The following ENOX1 variants were observed in gnomAD, a reference collection of about 807,000 sequenced individuals.
ENOX1 encodes ecto-NOX disulfide-thiol exchanger 1.
A neutral mutation model predicts 82.5 loss-of-function variants in ENOX1; 42 were observed. The observed-to-expected ratio is 0.51, with a 90% CI of 0.40 to 0.66. The LOEUF is 0.66. Among genes scored for constraint, ENOX1 ranks in the 30% least tolerant of loss-of-function variants. The pLI is 0.00. For missense variants in ENOX1, 608 were observed against 811.6 expected, an observed-to-expected ratio of 0.75 and a Z score of 3.05; for synonymous variants, 271 against 282.2, an observed-to-expected ratio of 0.96 and a Z score of 0.40.
chr13:43,691,085 T>C (rs1034880881), intron 1 of ENOX1, among the ~76,000 whole-genome samples: 40 of 152,206 alleles, frequency 2.6e-4, no homozygotes, highest in African/African-American at 9.4e-4. Flanking sequence ...ATCTCTGCCA[T>C]TCTTCTAAAG....
chr13:43,313,162 G>A (rs910461423), intron 11 of ENOX1, among the ~76,000 whole-genome samples: 1 of 151,960 alleles, frequency 6.6e-6, no homozygotes, highest in African/African-American at 2.4e-5. Context: ...TACGATCTTG[G>A]GTAAATAACA....
chr13:43,467,376 A>G (rs1404250327), intron 3 of ENOX1, among the ~76,000 whole-genome samples: 1 of 152,220 alleles, frequency 6.6e-6, no homozygotes, highest in Non-Finnish European at 1.5e-5. Context: ...GACAGTTAAA[A>G]TAGTAACCCA....
At chr13:43,478,674 T>C (rs1418768000) in intron 3 of ENOX1, among the ~76,000 whole-genome samples, 2 of 152,192 alleles carry the variant, frequency 1.3e-5, no homozygotes, top group Non-Finnish European at 2.9e-5. Flanking sequence ...CCAGTTCTCA[T>C]TTTCAACACT....
At chr13:43,372,108 T>C (rs1178043577) in intron 5 of ENOX1, among the ~76,000 whole-genome samples, 2 of 152,184 alleles carry the variant, frequency 1.3e-5, no homozygotes, top group South Asian at 2.1e-4. Flanking sequence ...GACAAAGTAG[T>C]ATTTGGTTGT....
intron 2 of ENOX1, among the ~76,000 whole-genome samples, chr13:43,524,136 C>A (rs1279850467): frequency 6.6e-6 from 1 of 152,156 alleles, no homozygotes; most frequent in Non-Finnish European, 1.5e-5. Flanking sequence ...CTTCAGACCC[C>A]TTTAGTCCAT....
chr13:43,236,881 T>A, intron 14 of ENOX1, 143 bp from the exon 15 acceptor site: 1 of 446,590 alleles, frequency 2.2e-6, no homozygotes, highest in Non-Finnish European at 3.8e-6. Flanking sequence ...ATACAATTGA[T>A]CTATTTGCCC....
intron 1 of ENOX1, among the ~76,000 whole-genome samples, chr13:43,768,456 CA>C (rs1191996808): frequency 1.3e-5 from 2 of 151,992 alleles, no homozygotes; most frequent in Non-Finnish European, 2.9e-5. Flanking sequence ...CACAACAAAA[CA>C]AAACAAATTT....
chr13:43,712,983 C>T lies in ENOX1; in HGVS notation c.-284-45439G>A, dbSNP rs1225145864. ...GAGTGGTGAGAGAGGGCATCCCTGT[C>T]TTGTGCCAGTTTTCAAAGGGAATGC... is the stretch of plus-strand genomic sequence containing the variant. On this transcript the variant is annotated intron_variant, in intron 1 of 16. Coordinates refer to ENST00000690772, the MANE Select transcript of ENOX1 (RefSeq NM_001347969.2). 5.3e-5 allele frequency among the ~76,000 whole-genome samples: 8 copies of T among 152,212 alleles called. No homozygotes were observed. In the South Asian group the frequency reaches 1.7e-3, roughly 32 times the overall value.
chr13:43,574,371 G>A (rs1211365968), intron 2 of ENOX1, among the ~76,000 whole-genome samples: 1 of 152,070 alleles, frequency 6.6e-6, no homozygotes, highest in Non-Finnish European at 1.5e-5. Flanking sequence ...ATTAGTAAAA[G>A]TGCAGTATTG....
intron 14 of ENOX1, among the ~76,000 whole-genome samples, chr13:43,254,663 C>T (rs758534005): frequency 3.3e-5 from 5 of 152,154 alleles, no homozygotes; most frequent in African/African-American, 1.2e-4. Flanking sequence ...AATTAGAGTA[C>T]ATCTGTGGCA....
intron 3 of ENOX1, among the ~76,000 whole-genome samples, chr13:43,451,166 T>G (rs971734307): frequency 3.9e-5 from 6 of 152,170 alleles, no homozygotes; most frequent in Admixed American, 1.3e-4. Context: ...GGAAGGACCT[T>G]ACATACCGAG....
chr13:43,731,124 T>C (rs540139619), intron 1 of ENOX1, among the ~76,000 whole-genome samples: 1 of 152,306 alleles, frequency 6.6e-6, no homozygotes, highest in Middle Eastern at 3.4e-3. Flanking sequence ...ACAGACCCAC[T>C]AAGGCCACCT....
Position 43,786,272 on chromosome 13 carries a change from G to A in ENOX1, c.-285+380C>T, listed in dbSNP as rs1043499304. Among the ~76,000 whole-genome samples, 2 of 152,190 alleles carry A rather than the reference G, an allele frequency of 1.3e-5. No individual in the cohort carries two copies. The highest frequency in any genetic ancestry group is 2.9e-5 in the Non-Finnish European group (2 of 68,040). On this transcript the variant is annotated intron_variant, in intron 1 of 16. Transcript: ENST00000690772. This position sits in a 1 kb window ranked among gnomAD's most constrained non-coding sequence, Gnocchi z 6.0. ...GGGTCCCGGGGGCGACGCCCGCAGG[G>A]GGAGACGGGTGCGGGGTGCGCTGTC...
chr13:43,358,711 C>G (rs1225053205), intron 7 of ENOX1, among the ~76,000 whole-genome samples: 1 of 152,182 alleles, frequency 6.6e-6, no homozygotes, highest in Non-Finnish European at 1.5e-5. Flanking sequence ...CATGCTGTTA[C>G]TATCTTTATT....
chr13:43,344,575 C>T lies in ENOX1; in HGVS notation c.999G>A (p.Glu333=). The T allele has an allele frequency of 6.2e-7, 1 of 1,614,160 alleles. No individual in the cohort carries two copies. Among genetic ancestry groups the T allele is most frequent in the East Asian group, 2.2e-5 (1 of 44,878 alleles). Residue 333 remains glutamate (E), a synonymous_variant, in exon 9 of 17, where the codon GAG becomes GAA. Transcript: ENST00000690772. ...THEQEMEEAK[E]NFKNALTGIL... ...TCCCAGTTAAGGCATTTTTAAAATT[C>T]TCCTTGGCTTCCTCCATCTCTTGCT...
At chr13:43,771,478 C>T (rs1493523) in intron 1 of ENOX1, among the ~76,000 whole-genome samples, 103,385 of 151,930 alleles carry the variant, frequency 0.68, 35,711 homozygotes, top group African/African-American at 0.79. Context: ...TTCAGTTCTA[C>T]AATTATAACT....
chr13:43,654,714 G>A (rs1381539863), intron 2 of ENOX1, among the ~76,000 whole-genome samples: 2 of 152,132 alleles, frequency 1.3e-5, no homozygotes, highest in African/African-American at 4.8e-5. Context: ...AATTTTATTT[G>A]TAAAAGAAAA....
intron 16 of ENOX1, among the ~76,000 whole-genome samples, chr13:43,221,103 G>A (rs370729621): frequency 1.3e-5 from 2 of 152,258 alleles, no homozygotes; most frequent in East Asian, 3.9e-4. Flanking sequence ...AAAATAGCAG[G>A]TCCTTCTATA....
intron 5 of ENOX1, among the ~76,000 whole-genome samples, chr13:43,404,683 T>A (rs1401563456): frequency 1.3e-5 from 2 of 152,250 alleles, no homozygotes; most frequent in African/African-American, 4.8e-5. Flanking sequence ...CACTGGTCGG[T>A]CAGGCCAATT....
Sources: gnomAD v4.1 joint callset for allele counts (sites outside exome capture counted in the v4.1 genomes callset) on GRCh38, gnomAD v4.1.1 for gene constraint, Gnocchi (gnomAD v3.1) non-coding constraint, MANE v1.5 for transcripts, NCBI Gene and HGNC (gene_info 2026-07-23, HGNC 2026-07-21) for gene names.